Variants in DOCK10 observed in about 807,000 individuals in gnomAD.
DOCK10 encodes the protein dedicator of cytokinesis protein 10.
In DOCK10, 145 loss-of-function variants were observed where a neutral mutation model predicts 280.1. The observed-to-expected ratio is 0.52, with a 90% confidence interval of 0.45 to 0.59. DOCK10 has a LOEUF of 0.59. DOCK10 is among the 20% of genes least tolerant of loss of function. The pLI is 0.00. For missense variants in DOCK10, 2,368 were observed against 2,651.7 expected, an observed-to-expected ratio of 0.89 and a Z score of 2.35; for synonymous variants, 915 against 942.2, an observed-to-expected ratio of 0.97 and a Z score of 0.53.
At chr2:224,826,809 A>C (rs1332165745) in intron 27 of DOCK10, among the ~76,000 whole-genome samples, 2 of 151,908 alleles carry the variant, frequency 1.3e-5, no homozygotes, top group Admixed American at 1.3e-4. Flanking sequence ...AATCATCTAT[A>C]TGAAATTAGC....
In DOCK10 at chr2:224,765,674, C is replaced by A. The variant is rs750933655; in HGVS notation, c.*47G>T. 3.5e-5 allele frequency: 47 copies of A among 1,326,160 alleles called. No homozygotes were observed. The highest frequency in any genetic ancestry group is 9.5e-5 in the Admixed American group (5 of 52,756). 82.1% of individuals were successfully genotyped at this position (1,326,160 alleles called of 1,614,324 possible). On this transcript the variant is annotated 3_prime_UTR_variant, in exon 56 of 56. Coordinates refer to ENST00000258390, the MANE Select transcript of DOCK10 (RefSeq NM_014689.3). Reference sequence around the variant, plus strand: ...TCTTTCTCTTCCCCGAGATTAGCTGCAAATTCAGAAAGTTCTCTTAGAGGT... The same window carrying A: ...TCTTTCTCTTCCCCGAGATTAGCTGAAAATTCAGAAAGTTCTCTTAGAGGT...
At chr2:224,798,411 G>T (rs960137228) in intron 41 of DOCK10, among the ~76,000 whole-genome samples, 2 of 152,136 alleles carry the variant, frequency 1.3e-5, no homozygotes, top group Non-Finnish European at 2.9e-5. Flanking sequence ...GTTGGGTGGG[G>T]CCGGGGAGAA....
chr2:224,876,600 A>G (rs980309725), intron 7 of DOCK10, among the ~76,000 whole-genome samples: 10 of 152,186 alleles, frequency 6.6e-5, no homozygotes, highest in African/African-American at 2.2e-4. Flanking sequence ...ATCGCATCCC[A>G]GAGGCAGCTC....
At chr2:224,886,887 C>CCCCG (rs1699323199) in intron 4 of DOCK10, among the ~76,000 whole-genome samples, 2 of 103,550 alleles carry the variant, frequency 1.9e-5, no homozygotes, top group African/African-American at 1.2e-4. Context: ...GCACCCCCAA[C>CCCCG]ACCCCCCCAA....
intron 1 of DOCK10, among the ~76,000 whole-genome samples, chr2:224,980,111 AG>A (rs1705670507): frequency 6.6e-6 from 1 of 152,188 alleles, no homozygotes. Context: ...GAGGAGGAGA[AG>A]GGGTGGACAG....
At chr2:224,869,679 C>G (rs759434085) in intron 11 of DOCK10, among the ~76,000 whole-genome samples, 4 of 152,156 alleles carry the variant, frequency 2.6e-5, no homozygotes, top group Non-Finnish European at 4.4e-5. Flanking sequence ...CACTCCAAAT[C>G]AACTTAACCC....
rs1032717480 is a variant in DOCK10, at chr2:224,970,975, A to G, written c.124-39307T>C. Among the ~76,000 whole-genome samples the G allele has an allele frequency of 5.3e-5, 8 of 152,222 alleles. No individual in the cohort carries two copies. Among genetic ancestry groups the G allele is most frequent in the Admixed American group, 3.9e-4 (6 of 15,288 alleles). On this transcript the variant is annotated intron_variant, in intron 1 of 55. Transcript: ENST00000258390. This position sits in a 1 kb window ranked among gnomAD's most constrained non-coding sequence, Gnocchi z 4.6. ...AAGAGGAGGAAATACCATGTAGTTA[A>G]AAAGAATGTGGGTCTCATCATTTTG...
chr2:224,912,309 A>G (rs1274471903), intron 3 of DOCK10, among the ~76,000 whole-genome samples: 1 of 151,896 alleles, frequency 6.6e-6, no homozygotes, highest in African/African-American at 2.4e-5. Context: ...GTAATTTTGT[A>G]TTTTTAGTAG....
At chr2:224,909,005 G>A (rs1169769264) in intron 3 of DOCK10, among the ~76,000 whole-genome samples, 2 of 152,200 alleles carry the variant, frequency 1.3e-5, no homozygotes, top group East Asian at 3.8e-4. Context: ...TTCAGCTGAA[G>A]TGGTCCCTAG....
chr2:224,972,390 A>AT (rs1705141381), intron 1 of DOCK10, among the ~76,000 whole-genome samples: 1 of 152,202 alleles, frequency 6.6e-6, no homozygotes, highest in East Asian at 1.9e-4. Context: ...CACCTAACAG[A>AT]TTCCTACTTT....
At chr2:224,984,410 A>G (rs1705904020) in intron 1 of DOCK10, among the ~76,000 whole-genome samples, 1 of 152,216 alleles carries the variant, frequency 6.6e-6, no homozygotes, top group Non-Finnish European at 1.5e-5. Flanking sequence ...AGGGAGACAA[A>G]TGAGATGCTT....
intron 14 of DOCK10, among the ~76,000 whole-genome samples, chr2:224,858,147 T>A (rs1373998992): frequency 6.6e-6 from 1 of 152,216 alleles, no homozygotes; most frequent in South Asian, 2.1e-4. Flanking sequence ...ATTCCCAATA[T>A]GAAAGGAAGT....
chr2:224,860,010 A>C (rs1697394675), intron 14 of DOCK10, among the ~76,000 whole-genome samples: 1 of 152,232 alleles, frequency 6.6e-6, no homozygotes, highest in Non-Finnish European at 1.5e-5. Context: ...GTTGTGAGAA[A>C]TTTATGTGGA....
At chr2:224,775,214 G>A (rs1690751965) in intron 51 of DOCK10, 99 bp from the exon 52 acceptor site, 2 of 1,092,752 alleles carry the variant, frequency 1.8e-6, no homozygotes, top group Non-Finnish European at 2.7e-6. Flanking sequence ...AGGAGGCTGT[G>A]CCTCTCCCCT....
chr2:224,993,919 G>A (rs771005332), intron 1 of DOCK10, among the ~76,000 whole-genome samples: 21 of 152,138 alleles, frequency 1.4e-4, no homozygotes, highest in Non-Finnish European at 2.9e-4. Context: ...GTTAGGATAG[G>A]ATCCTATTAC....
At chr2:224,908,950 G>C (rs1700840406) in intron 3 of DOCK10, among the ~76,000 whole-genome samples, 1 of 152,210 alleles carries the variant, frequency 6.6e-6, no homozygotes, top group Admixed American at 6.5e-5. Context: ...TTTGTTGTCA[G>C]AGTAACTTGC....
intron 3 of DOCK10, among the ~76,000 whole-genome samples, chr2:224,908,257 A>G (rs190499320): frequency 6.8e-6 from 1 of 146,814 alleles, no homozygotes; most frequent in Admixed American, 6.9e-5. Flanking sequence ...CTTAAATCAT[A>G]TTTGTATTTA....
Position 224,995,961 on chromosome 2 carries a change from C to G in DOCK10, c.123+46291G>C, listed in dbSNP as rs575693509. Among the ~76,000 whole-genome samples the G allele has an allele frequency of 2.0e-5, 3 of 152,246 alleles. No individual in the cohort carries two copies. In the East Asian group the frequency reaches 5.8e-4, roughly 29 times the overall value. ...GGAATTTTTGTTCTTAGCATTTTAGCTAGTTACATGATAGATGTTATTAAC... is the reference window on the plus strand; with the variant it reads ...GGAATTTTTGTTCTTAGCATTTTAGGTAGTTACATGATAGATGTTATTAAC... On this transcript the variant is annotated intron_variant, in intron 1 of 55. Coordinates refer to ENST00000258390, the MANE Select transcript of DOCK10 (RefSeq NM_014689.3).
intron 11 of DOCK10, among the ~76,000 whole-genome samples, chr2:224,871,070 G>A (rs926336567): frequency 2.6e-5 from 4 of 151,908 alleles, no homozygotes; most frequent in Non-Finnish European, 5.9e-5. Flanking sequence ...CAGGTGATCT[G>A]CCTGCCTTGG....
Sources: allele counts gnomAD v4.1 joint callset (sites outside exome capture counted in the v4.1 genomes callset), GRCh38; gene constraint gnomAD v4.1.1; non-coding constraint Gnocchi (gnomAD v3.1); transcripts MANE v1.5; gene names NCBI Gene and HGNC (gene_info 2026-07-23, HGNC 2026-07-21).